Variants in CYP4B1 observed in about 807,000 individuals in gnomAD.
CYP4B1 encodes the protein cytochrome P450 4B1.
Under a neutral mutation model 54.0 loss-of-function variants are expected in CYP4B1, and 45 were observed. That is an observed-to-expected ratio of 0.83 (90% CI 0.66 to 1.07). The LOEUF (loss-of-function observed/expected upper bound fraction) is 1.07. Ranked by LOEUF, CYP4B1 falls within the 50% of genes least tolerant of loss-of-function variation. The pLI, the probability that CYP4B1 is intolerant of heterozygous loss-of-function variation, is 0.00. For synonymous variants in CYP4B1, 248 were observed against 247.5 expected, an observed-to-expected ratio of 1.00 and a Z score of -0.02; for missense variants, 656 against 655.4, an observed-to-expected ratio of 1.00 and a Z score of -0.01.
chr1:46,817,512 T>C (rs1679384482), intron 9 of CYP4B1, among the ~76,000 whole-genome samples: 1 of 152,212 alleles, frequency 6.6e-6, no homozygotes, highest in South Asian at 2.1e-4. Flanking sequence ...TAGACTATGA[T>C]GCTGTGCAGT....
Position 46,814,924 on chromosome 1 carries a change from T to C in CYP4B1, c.883-150T>C, listed in dbSNP as rs193182022. The C allele has an allele frequency of 1.4e-5, 9 of 660,484 alleles. No homozygotes were observed. The East Asian group carries it at 2.5e-4, about 18-fold the overall frequency. The allele number at this position is 660,484 out of a possible 1,614,324, so 40.9% of individuals were successfully genotyped here. On this transcript the variant is annotated intron_variant, in intron 7 of 11. Coordinates refer to ENST00000371923, the MANE Select transcript of CYP4B1 (RefSeq NM_001099772.2). ...ATCCAGGCTGAGCTTTGAAGGAATA[T>C]AGGAATCTGGGGGAAGGTCCTAATC... is the stretch of plus-strand genomic sequence containing the variant.
chr1:46,806,398 T>C (rs1009041735), intron 1 of CYP4B1, among the ~76,000 whole-genome samples: 5 of 152,216 alleles, frequency 3.3e-5, no homozygotes, highest in African/African-American at 1.2e-4. Context: ...GGGTAGCTTG[T>C]TTCTTGGACA....
At chr1:46,818,585 T>C in intron 11 of CYP4B1, 46 bp from the exon 12 acceptor site, 1 of 1,585,372 alleles carries the variant, frequency 6.3e-7, no homozygotes, top group Non-Finnish European at 8.7e-7. Flanking sequence ...ATGTCATCAC[T>C]CTGGATGCTC....
chr1:46,816,655 G>A (rs1013128834), intron 8 of CYP4B1, among the ~76,000 whole-genome samples: 4 of 150,524 alleles, frequency 2.7e-5, no homozygotes, highest in East Asian at 2.0e-4. Flanking sequence ...TTCAACCAAC[G>A]TGTATCAGCC....
chr1:46,817,969 C>T lies in CYP4B1; in HGVS notation c.1212C>T (p.Ser404=). 6.2e-7 allele frequency: 1 copy of T among 1,614,120 alleles called. No homozygotes were observed. Among genetic ancestry groups the T allele is most frequent in the Non-Finnish European group, 8.5e-7 (1 of 1,179,982 alleles). Reference sequence around the variant, plus strand: ...CAACCTCTGTTCTGCCCACAGGAAGCCTGATCTCTATGCATATCTATGCCC... The same window carrying T: ...CAACCTCTGTTCTGCCCACAGGAAGTCTGATCTCTATGCATATCTATGCCC... ...FVDGRSLPAG[S]LISMHIYALH... The change falls in exon 10 of 12, where the codon AGC becomes AGT. Residue 404 remains serine (S), a synonymous_variant. Coordinates refer to ENST00000371923, the MANE Select transcript of CYP4B1 (RefSeq NM_001099772.2).
Position 46,813,746 on chromosome 1 carries a change from G to A in CYP4B1, c.620+140G>A, listed in dbSNP as rs1024961220. 5 of 1,428,544 alleles carry A rather than the reference G, an allele frequency of 3.5e-6. No individual in the cohort carries two copies. In the African/African-American group the frequency reaches 7.1e-5, roughly 20 times the overall value. The allele number at this position is 1,428,544 out of a possible 1,614,324, so 88.5% of individuals were successfully genotyped here. A position where few individuals can be genotyped will look rare whatever the true frequency, so the allele number is the denominator to read the frequency against. ...CTTAGCTTGCGGGGAGACAGGACCTGCTCATGGTGGGGTAAACACCTGGCT... is the reference window on the plus strand; with the variant it reads ...CTTAGCTTGCGGGGAGACAGGACCTACTCATGGTGGGGTAAACACCTGGCT... On this transcript the variant is annotated intron_variant, in intron 5 of 11. Transcript: ENST00000371923.
rs1343511714 is a variant in CYP4B1, at chr1:46,814,052, A to G, written c.764A>G (p.His255Arg). The part of the protein sequence containing the change: ...RRFLRACQVA[H>R]DHTDQVIRER... Reference sequence around the variant, plus strand: ...TTCCTGCGGGCCTGCCAGGTGGCCCATGACCATACAGGTGGGCCTTTCCCA... The same window carrying G: ...TTCCTGCGGGCCTGCCAGGTGGCCCGTGACCATACAGGTGGGCCTTTCCCA... Residue 255 changes from histidine to arginine, a missense_variant, in exon 6 of 12, where the codon CAT becomes CGT. Physicochemically the swap from His to Arg is conservative, Grantham distance 29. Transcript: ENST00000371923. 5.6e-6 allele frequency: 9 copies of G among 1,613,910 alleles called. No homozygotes were observed. The highest frequency in any genetic ancestry group is 1.1e-5 in the South Asian group (1 of 91,080).
rs530660474 is a variant in CYP4B1, at chr1:46,811,961, AG to A, written c.368-533del. ...TTATCAATGGGAGGATAAAATTAGAAGGCAGACAGAAAAGGGTTAGGAAAAT... is the reference window on the plus strand; with the variant it reads ...TTATCAATGGGAGGATAAAATTAGAAGCAGACAGAAAAGGGTTAGGAAAAT... On this transcript the variant is annotated intron_variant, in intron 3 of 11. Coordinates refer to ENST00000371923, the MANE Select transcript of CYP4B1 (RefSeq NM_001099772.2). Among the ~76,000 whole-genome samples, 438 of 152,320 alleles carry A rather than the reference AG, an allele frequency of 2.9e-3. 1 individual carries two copies. The highest frequency in any genetic ancestry group is 9.7e-3 in the African/African-American group (405 of 41,580).
intron 3 of CYP4B1, chr1:46,812,236 C>T (rs1362622438): frequency 1.6e-6 from 1 of 623,464 alleles, no homozygotes; most frequent in Non-Finnish European, 3.0e-6. Flanking sequence ...TTCCTGGACC[C>T]AGGCTTTGTG....
chr1:46,814,831 T>G, intron 7 of CYP4B1: 2 of 514,248 alleles, frequency 3.9e-6, no homozygotes, highest in Non-Finnish European at 6.8e-6. Flanking sequence ...AGCAGAACAG[T>G]CAGGGCTGGA....
At chr1:46,802,858 A>G (rs113922392) in intron 1 of CYP4B1, among the ~76,000 whole-genome samples, 1 of 152,352 alleles carries the variant, frequency 6.6e-6, no homozygotes, top group African/African-American at 2.4e-5. Flanking sequence ...GCTGAGGCAC[A>G]TTCTCAAAGA....
chr1:46,817,342 C>A (rs1679378221), intron 9 of CYP4B1, 161 bp downstream of exon 9: 2 of 745,412 alleles, frequency 2.7e-6, no homozygotes, highest in African/African-American at 3.5e-5. Context: ...TTGATCAATT[C>A]TTCTACCTCT....
At position 46,810,830 on chromosome 1, in the gene CYP4B1, A is replaced by G. The variant is rs753724766; in HGVS notation, c.203A>G (p.Asp68Gly). The G allele has an allele frequency of 7.4e-6, 12 of 1,614,032 alleles. No individual in the cohort carries two copies. The highest frequency in any genetic ancestry group is 7.6e-6 in the Non-Finnish European group (9 of 1,180,026). ...CAGATCCAGGAGACGGGGAGCCTGG[A>G]CAAAGTGGTGTCCTGGGCCCACCAG... ...ALEIQETGSL[D>G]KVVSWAHQFP... The change falls in exon 2 of 12, where the codon GAC becomes GGC. Residue 68 changes from aspartate (D) to glycine (G), a missense_variant. Transcript: ENST00000371923.
intron 6 of CYP4B1, 54 bp downstream of exon 6, chr1:46,814,117 C>T (rs2297811): frequency 0.15 from 248,368 of 1,609,336 alleles, 20,455 homozygotes; most frequent in East Asian, 0.27. Flanking sequence ...CTCCTCCTGG[C>T]CCCTCTATGC....
At chr1:46,804,352 G>T (rs1557488673) in intron 1 of CYP4B1, among the ~76,000 whole-genome samples, 1 of 152,106 alleles carries the variant, frequency 6.6e-6, no homozygotes, top group Non-Finnish European at 1.5e-5. Context: ...CTTTAGAGAA[G>T]TTAGATTATG....
rs1569906257 is a variant in CYP4B1, at chr1:46,814,640, C to A, written c.882+325C>A. 5.6e-5 allele frequency: 19 copies of A among 341,884 alleles called. No homozygotes were observed. The South Asian group carries it at 8.3e-4, about 15-fold the overall frequency. 21.2% of individuals were successfully genotyped at this position (341,884 alleles called of 1,614,324 possible). On this transcript the variant is annotated intron_variant, in intron 7 of 11. Coordinates refer to ENST00000371923, the MANE Select transcript of CYP4B1 (RefSeq NM_001099772.2). ...CATTCATTCATTCATTCAGTAAGTT[C>A]TTTATTCATCAATTCTAGAAACTCA... is the stretch of plus-strand genomic sequence containing the variant.
chr1:46,817,201 G>A lies in CYP4B1; in HGVS notation c.1207+20G>A. 1 of 1,613,866 alleles carries A rather than the reference G, an allele frequency of 6.2e-7. No individual in the cohort carries two copies. ...CTGCAGGTGGGATGGGTGGATTTGG[G>A]GGTGGAAAAGGAGTCCCTGCATGCT... On this transcript the variant is annotated intron_variant, in intron 9 of 11. Coordinates refer to ENST00000371923, the MANE Select transcript of CYP4B1 (RefSeq NM_001099772.2).
intron 1 of CYP4B1, among the ~76,000 whole-genome samples, chr1:46,802,214 C>G (rs1209862910): frequency 6.6e-6 from 1 of 151,938 alleles, no homozygotes; most frequent in African/African-American, 2.4e-5. Flanking sequence ...TGTAGAATGC[C>G]AGCTCCCAGA....
chr1:46,803,781 G>T (rs1678751753), intron 1 of CYP4B1, among the ~76,000 whole-genome samples: 1 of 152,164 alleles, frequency 6.6e-6, no homozygotes, highest in Non-Finnish European at 1.5e-5. Flanking sequence ...GGGAGGAGGG[G>T]CTGCCTCCAC....
Sources: gnomAD v4.1 joint callset for allele counts (sites outside exome capture counted in the v4.1 genomes callset) on GRCh38, gnomAD v4.1.1 for gene constraint, MANE v1.5 for transcripts, NCBI Gene and HGNC (gene_info 2026-07-23, HGNC 2026-07-21) for gene names.